The following USP2 variants were observed in gnomAD, a reference collection of about 807,000 sequenced individuals.
USP2 encodes ubiquitin specific peptidase 2.
A neutral mutation model predicts 72.0 loss-of-function variants in USP2; 33 were observed. That is an observed-to-expected ratio of 0.46 (90% CI 0.35 to 0.61). The LOEUF (loss-of-function observed/expected upper bound fraction) is 0.61. USP2 is among the 20% of genes least tolerant of loss of function. The probability of loss-of-function intolerance (pLI) is 0.01; values close to 1 mark genes in which losing one functional copy is unlikely to be tolerated. For synonymous variants in USP2, 296 were observed against 312.5 expected (o/e 0.95, Z 0.56); for missense variants, 691 against 797.8 (o/e 0.87, Z 1.61).
chr11:119,366,083 C>T (rs1222600647), intron 2 of USP2, among the ~76,000 whole-genome samples: 2 of 152,000 alleles, frequency 1.3e-5, no homozygotes, highest in Middle Eastern at 3.4e-3. Context: ...TTAGTAGAGA[C>T]GGGGTTTCAC....
intron 1 of USP2, chr11:119,379,128 A>G (rs1028643438): frequency 1.0e-6 from 1 of 985,350 alleles, no homozygotes; most frequent in African/African-American, 1.7e-5. Context: ...AGCTCAGGTT[A>G]CTGACTCCGA....
intron 2 of USP2, among the ~76,000 whole-genome samples, chr11:119,365,349 G>T (rs1950837779): frequency 6.6e-6 from 1 of 152,096 alleles, no homozygotes; most frequent in African/African-American, 2.4e-5. Context: ...AATGAGAGAG[G>T]GATGGGGACA....
At chr11:119,373,618 TC>T in intron 1 of USP2, 97 bp from the exon 2 acceptor site, 1 of 1,184,420 alleles carries the variant, frequency 8.4e-7, no homozygotes, top group Non-Finnish European at 1.1e-6. Context: ...ACCTCAGAGC[TC>T]CCAGTCCATT....
At chr11:119,375,660 G>A (rs904688499) in intron 1 of USP2, among the ~76,000 whole-genome samples, 1 of 152,218 alleles carries the variant, frequency 6.6e-6, no homozygotes, top group African/African-American at 2.4e-5. Flanking sequence ...CAGGTCTCAG[G>A]AGCTGGGCTC....
At chr11:119,377,063 G>A (rs974120252) in intron 1 of USP2, among the ~76,000 whole-genome samples, 1 of 152,188 alleles carries the variant, frequency 6.6e-6, no homozygotes, top group Non-Finnish European at 1.5e-5. Context: ...TTCAAATGAA[G>A]TTTTTAGCAT....
chr11:119,359,776 C>G (rs1327428869), intron 3 of USP2, 116 bp from the exon 4 acceptor site: 1 of 1,376,132 alleles, frequency 7.3e-7, no homozygotes, highest in Non-Finnish European at 9.8e-7. Flanking sequence ...AGGAGGCTAT[C>G]CTTTCATAGC....
intron 1 of USP2, chr11:119,379,304 G>A (rs1022061389): frequency 3.5e-5 from 34 of 985,280 alleles, no homozygotes; most frequent in Non-Finnish European, 7.2e-6. Flanking sequence ...CTCTTGGAAG[G>A]GGGGCATTTT....
At chr11:119,362,406 T>C (rs1950778008) in intron 2 of USP2, among the ~76,000 whole-genome samples, 1 of 151,946 alleles carries the variant, frequency 6.6e-6, no homozygotes, top group Non-Finnish European at 1.5e-5. Context: ...TTAGGACCCT[T>C]GGTTGTTATG....
At chr11:119,372,130 C>T (rs973235475) in intron 2 of USP2, among the ~76,000 whole-genome samples, 1 of 152,226 alleles carries the variant, frequency 6.6e-6, no homozygotes, top group Non-Finnish European at 1.5e-5. Flanking sequence ...ATAAAAATTT[C>T]TCCCCTACTT....
At chr11:119,360,422 CTTTTCT>C (rs944688206) in intron 2 of USP2, 188 bp from the exon 3 acceptor site, 95 of 676,902 alleles carry the variant, frequency 1.4e-4, no homozygotes, top group Admixed American at 5.7e-4. Flanking sequence ...ATTTTCTTTT[CTTTTCT>C]TTTTTTTTTT....
rs1396862103 is a variant in USP2 at position 119,381,505 on chromosome 11, C to T, written c.-74G>A. On this transcript the variant is annotated 5_prime_UTR_variant, in exon 1 of 13. Coordinates refer to ENST00000260187, the MANE Select transcript of USP2 (RefSeq NM_004205.5). ...TTCTTGGAGTATGGACGAGTCGAAC[C>T]GGGCACAAGCATGGAGCTGCGGGTG... 2.6e-6 allele frequency: 4 copies of T among 1,536,170 alleles called. No individual in the cohort carries two copies. Among genetic ancestry groups the T allele is most frequent in the African/African-American group, 2.7e-5 (2 of 73,178 alleles).
At chr11:119,370,856 C>T (rs751583269) in intron 2 of USP2, among the ~76,000 whole-genome samples, 31 of 152,226 alleles carry the variant, frequency 2.0e-4, no homozygotes, top group African/African-American at 6.3e-4. Context: ...GCCCTGGAGC[C>T]GGGGGGAGGA....
intron 2 of USP2, among the ~76,000 whole-genome samples, chr11:119,369,689 G>A (rs1460308806): frequency 1.3e-5 from 2 of 152,146 alleles, no homozygotes; most frequent in Non-Finnish European, 2.9e-5. Flanking sequence ...CTTGAGAGGT[G>A]GGCAGGGCGG....
At chr11:119,360,067 C>T (rs1216159121) in intron 3 of USP2, 117 bp downstream of exon 3, 2 of 1,305,340 alleles carry the variant, frequency 1.5e-6, no homozygotes, top group Middle Eastern at 2.6e-4. Context: ...AGGGCAAGTG[C>T]CAACTGGCTG....
intron 4 of USP2, 68 bp downstream of exon 4, chr11:119,359,469 A>G (rs910665121): frequency 6.2e-7 from 1 of 1,606,332 alleles, no homozygotes; most frequent in African/African-American, 1.3e-5. Context: ...CACAACACCT[A>G]GAACAGCCCC....
intron 1 of USP2, among the ~76,000 whole-genome samples, chr11:119,381,008 A>G (rs1951053094): frequency 6.6e-6 from 1 of 152,188 alleles, no homozygotes; most frequent in Non-Finnish European, 1.5e-5. Flanking sequence ...GGGACTGGTG[A>G]GAATTTCAAA....
intron 7 of USP2, 91 bp from the exon 8 acceptor site, chr11:119,358,343 G>A: frequency 8.3e-7 from 1 of 1,207,698 alleles, no homozygotes; most frequent in Non-Finnish European, 1.2e-6. Context: ...TTGAGATGGA[G>A]TTTTGCTCTG....
At chr11:119,365,136 T>C (rs1950834596) in intron 2 of USP2, among the ~76,000 whole-genome samples, 1 of 152,146 alleles carries the variant, frequency 6.6e-6, no homozygotes, top group Non-Finnish European at 1.5e-5. Context: ...TTGCTGGCTA[T>C]TTTTAGCCAG....
rs374783359 is a variant in USP2, at chr11:119,359,334, T to C, written c.958A>G (p.Lys320Glu). The C allele has an allele frequency of 7.7e-5, 125 of 1,613,476 alleles. No homozygotes were observed. The highest frequency in any genetic ancestry group is 2.3e-4 in the Admixed American group (14 of 59,930). Residue 320 changes from lysine to glutamate, a missense_variant, in exon 5 of 13, where the codon AAA (lysine) becomes GAA (glutamate). By Grantham distance (56) the Lys-to-Glu change is moderately conservative (BLOSUM62 1). Coordinates refer to ENST00000260187, the MANE Select transcript of USP2 (RefSeq NM_004205.5). ...GAAGTCCATATGGTCTGAATTAGTTTTGCAAACTCTATTGGAAGGAGAGAG... is the reference window on the plus strand; with the variant it reads ...GAAGTCCATATGGTCTGAATTAGTTCTGCAAACTCTATTGGAAGGAGAGAG... ...AHTALVEEFAKLIQTIWTSSP... is the reference protein window; with the variant it reads ...AHTALVEEFAELIQTIWTSSP...
Sources: gnomAD v4.1 joint callset for allele counts (sites outside exome capture counted in the v4.1 genomes callset) on GRCh38, gnomAD v4.1.1 for gene constraint, MANE v1.5 for transcripts, NCBI Gene and HGNC (gene_info 2026-07-23, HGNC 2026-07-21) for gene names.